The following DZIP3 variants were observed in gnomAD, a reference collection of about 807,000 sequenced individuals.
The protein encoded by DZIP3 is E3 ubiquitin-protein ligase DZIP3.
DZIP3 carries 118 observed loss-of-function variants against 162.0 expected under a neutral mutation model. The observed-to-expected ratio is 0.73, with a 90% CI of 0.63 to 0.85. The LOEUF is 0.85. Ranked by LOEUF, DZIP3 falls within the 40% of genes least tolerant of loss-of-function variation. DZIP3 has a pLI of 0.00. For missense variants in DZIP3, 1,331 were observed against 1,407.0 expected (o/e 0.95, Z 0.86); for synonymous variants, 438 against 458.6 (o/e 0.96, Z 0.57).
chr3:108,660,803 C>CAAA (rs1943388194), intron 19 of DZIP3, among the ~76,000 whole-genome samples: 1 of 73,890 alleles, frequency 1.4e-5, no homozygotes, highest in Non-Finnish European at 3.0e-5. Flanking sequence ...AAAAAAACAA[C>CAAA]CCCATCAACA....
intron 26 of DZIP3, among the ~76,000 whole-genome samples, chr3:108,678,747 A>C (rs1267140677): frequency 6.6e-6 from 1 of 152,026 alleles, no homozygotes; most frequent in Non-Finnish European, 1.5e-5. Context: ...GTAGGAAGAG[A>C]GGAAAAGTGT....
At position 108,643,872 on chromosome 3, in the gene DZIP3, A is replaced by G. The variant is rs577413206; in HGVS notation, c.1142-292A>G. On this transcript the variant is annotated intron_variant, in intron 13 of 32. Transcript: ENST00000361582. Reference sequence around the variant, plus strand: ...TTTAAAGACCTAATACTGTGATGCCATGTTGTTGCTAAAGGTCATTTACTT... The same window carrying G: ...TTTAAAGACCTAATACTGTGATGCCGTGTTGTTGCTAAAGGTCATTTACTT... 3.9e-5 allele frequency among the ~76,000 whole-genome samples: 6 copies of G among 152,244 alleles called. No homozygotes were observed. In the East Asian group the frequency reaches 1.2e-3, roughly 29 times the overall value.
rs1369702375 is a variant in DZIP3 at position 108,611,154 on chromosome 3, T to C, written c.103-20T>C. On this transcript the variant is annotated intron_variant, in intron 3 of 32. Coordinates refer to ENST00000361582, the MANE Select transcript of DZIP3 (RefSeq NM_014648.4). ...AGAATATGCAAACTGTGTAAATTTT[T>C]AATCAATAATGTCTTCTAGAACAAA... The C allele has an allele frequency of 6.4e-6, 10 of 1,554,988 alleles. No individual in the cohort carries two copies. Among genetic ancestry groups the C allele is most frequent in the Admixed American group, 4.5e-5 (2 of 44,010 alleles).
chr3:108,651,339 A>C (rs1178375944), intron 18 of DZIP3, among the ~76,000 whole-genome samples, 177 bp downstream of exon 18: 1 of 151,770 alleles, frequency 6.6e-6, no homozygotes, highest in Non-Finnish European at 1.5e-5. Context: ...AAAAAGTTAA[A>C]TGATCATTTA....
At chr3:108,626,804 AGTGT>A (rs936666563) in intron 7 of DZIP3, among the ~76,000 whole-genome samples, 1 of 152,236 alleles carries the variant, frequency 6.6e-6, no homozygotes, top group African/African-American at 2.4e-5. Flanking sequence ...GAATAACTAA[AGTGT>A]TTCCTGGAGG....
chr3:108,611,940 G>T (rs1161912277), intron 4 of DZIP3, among the ~76,000 whole-genome samples: 3 of 148,522 alleles, frequency 2.0e-5, no homozygotes, highest in African/African-American at 7.5e-5. Flanking sequence ...CTCCTGCCTG[G>T]GAGACAGAGC....
intron 1 of DZIP3, among the ~76,000 whole-genome samples, chr3:108,595,973 A>G (rs1939693322): frequency 1.3e-5 from 2 of 152,250 alleles, no homozygotes; most frequent in African/African-American, 4.8e-5. Context: ...TTGTTTTCTT[A>G]TAATGGAGGA....
chr3:108,628,703 G>A (rs1941695605), intron 7 of DZIP3, among the ~76,000 whole-genome samples: 1 of 152,110 alleles, frequency 6.6e-6, no homozygotes, highest in Admixed American at 6.5e-5. Flanking sequence ...TGCCCCCATA[G>A]AGGCCTTCTG....
At chr3:108,599,550 C>A (rs1939885689) in intron 1 of DZIP3, among the ~76,000 whole-genome samples, 2 of 152,198 alleles carry the variant, frequency 1.3e-5, no homozygotes, top group African/African-American at 4.8e-5. Flanking sequence ...TTTTTGTCTA[C>A]ACAGAGCTCA....
At chr3:108,603,065 C>G (rs1940120326) in intron 1 of DZIP3, 1 of 152,170 alleles carries the variant, frequency 6.6e-6, no homozygotes, top group African/African-American at 2.4e-5. Flanking sequence ...TCTCTTATCT[C>G]ATCACCAGAG....
intron 6 of DZIP3, 48 bp from the exon 7 acceptor site, chr3:108,625,797 A>G (rs1290069620): frequency 6.6e-7 from 1 of 1,514,782 alleles, no homozygotes; most frequent in Non-Finnish European, 8.8e-7. Flanking sequence ...TGTAAAAAAA[A>G]AAAAAATGAC....
intron 7 of DZIP3, among the ~76,000 whole-genome samples, chr3:108,627,692 C>T (rs1207176574): frequency 2.0e-5 from 3 of 152,142 alleles, no homozygotes; most frequent in African/African-American, 7.2e-5. Flanking sequence ...CTTCCCCATT[C>T]AGCCTTGTGT....
chr3:108,661,513 A>G (rs994689519), intron 19 of DZIP3, among the ~76,000 whole-genome samples: 1 of 152,202 alleles, frequency 6.6e-6, no homozygotes, highest in Non-Finnish European at 1.5e-5. Flanking sequence ...AAGAGATAGC[A>G]TTATGAGATA....
At chr3:108,608,866 T>A (rs1338626993) in intron 3 of DZIP3, among the ~76,000 whole-genome samples, 1 of 152,174 alleles carries the variant, frequency 6.6e-6, no homozygotes, top group African/African-American at 2.4e-5. Flanking sequence ...TACCTGAGAC[T>A]GGGTAATTTA....
rs1944794703 is a variant in DZIP3, at chr3:108,694,097, A to C, written c.*744A>C. On this transcript the variant is annotated 3_prime_UTR_variant, in exon 33 of 33. Transcript: ENST00000361582. ...TTCACCTCCATTTAAATTTATGGGG[A>C]AGAATAAATGTTTCCTGACTCAGAA... The C allele has an allele frequency of 3.3e-5, 5 of 152,152 alleles. No individual in the cohort carries two copies. The highest frequency in any genetic ancestry group is 3.3e-4 in the Admixed American group (5 of 15,260). The allele number at this position is 152,152 out of a possible 1,614,324, so 9.4% of individuals were successfully genotyped here. A position where few individuals can be genotyped will look rare whatever the true frequency, so the allele number is the denominator to read the frequency against.
At chr3:108,600,735 G>A (rs1576341423) in intron 1 of DZIP3, among the ~76,000 whole-genome samples, 2 of 152,256 alleles carry the variant, frequency 1.3e-5, no homozygotes, top group East Asian at 3.9e-4. Context: ...TACGTGCCAG[G>A]TACTATTCTG....
chr3:108,682,122 T>C (rs1944337168), intron 26 of DZIP3, among the ~76,000 whole-genome samples: 1 of 150,604 alleles, frequency 6.6e-6, no homozygotes, highest in Non-Finnish European at 1.5e-5. Context: ...ACAAATGATA[T>C]CAAATGTTGG....
intron 28 of DZIP3, 57 bp downstream of exon 28, chr3:108,686,641 C>A: frequency 1.4e-6 from 2 of 1,402,646 alleles, no homozygotes; most frequent in Admixed American, 2.7e-5. Context: ...TTTTCATAGC[C>A]ATAATTGTGG....
Position 108,644,213 on chromosome 3 carries a change from T to A in DZIP3, c.1191T>A (p.Leu397=). 6.2e-7 allele frequency: 1 copy of A among 1,610,862 alleles called. No individual in the cohort carries two copies. The highest frequency in any genetic ancestry group is 8.5e-7 in the Non-Finnish European group (1 of 1,178,916). The stretch of plus-strand genomic sequence containing the variant: ...ATTATAATTATTTCTATCATCTGCT[T>A]CATATAATTATTATTTCTGGTACTG... ...KLDYNYFYHL[L]HIIIISGTDI... Residue 397 remains leucine (L), a synonymous_variant, in exon 14 of 33, where the codon CTT becomes CTA. Coordinates refer to ENST00000361582, the MANE Select transcript of DZIP3 (RefSeq NM_014648.4).
Sources: gnomAD v4.1 joint callset for allele counts (sites outside exome capture counted in the v4.1 genomes callset) on GRCh38, gnomAD v4.1.1 for gene constraint, MANE v1.5 for transcripts, NCBI Gene and HGNC (gene_info 2026-07-23, HGNC 2026-07-21) for gene names.